FAM163B: variants seen among roughly 807,000 people sequenced by gnomAD.
FAM163B encodes the protein protein FAM163B.
In FAM163B, 4 loss-of-function variants were observed where a neutral mutation model predicts 7.6. That is an observed-to-expected ratio of 0.52 (90% CI 0.26 to 1.20). FAM163B has a LOEUF of 1.20. FAM163B is among the 50% of genes most tolerant of loss of function. The pLI, the probability that FAM163B is intolerant of heterozygous loss-of-function variation, is 0.14. For synonymous variants in FAM163B, 120 were observed against 111.6 expected (o/e 1.07, Z -0.47); for missense variants, 250 against 243.0 (o/e 1.03, Z -0.19).
chr9:133,597,966 A>T (rs148377877), intron 1 of FAM163B, among the ~76,000 whole-genome samples: 2 of 152,330 alleles, frequency 1.3e-5, no homozygotes, highest in East Asian at 3.9e-4. Flanking sequence ...TGTCCAGGGG[A>T]CAGGGCTCAA....
chr9:133,601,247 G>C lies in FAM163B; in HGVS notation c.-24+7830C>G, dbSNP rs905506076. ...AGGGCGCGCCTTTGGAGCCGACTCAGTGATTCTATTATAACTTGTGCAGGT... is the reference window on the plus strand; with the variant it reads ...AGGGCGCGCCTTTGGAGCCGACTCACTGATTCTATTATAACTTGTGCAGGT... On this transcript the variant is annotated intron_variant, in intron 1 of 2. Coordinates refer to ENST00000673969, the MANE Select transcript of FAM163B (RefSeq NM_001080515.3). The surrounding 1 kb of genome is among the most constrained non-coding windows in gnomAD (Gnocchi z 4.1). Among the ~76,000 whole-genome samples the C allele has an allele frequency of 3.9e-5, 6 of 152,204 alleles. No homozygotes were observed. Among genetic ancestry groups the C allele is most frequent in the African/African-American group, 7.2e-5 (3 of 41,442 alleles).
intron 1 of FAM163B, among the ~76,000 whole-genome samples, chr9:133,588,592 A>G (rs75971918): frequency 4.1e-3 from 8 of 1,968 alleles, no homozygotes; most frequent in Admixed American, 8.3e-3. Context: ...GGGATCTAGC[A>G]TGTTGAGGGA....
At chr9:133,607,144 T>G (rs912789447) in intron 1 of FAM163B, among the ~76,000 whole-genome samples, 3 of 152,106 alleles carry the variant, frequency 2.0e-5, no homozygotes, top group African/African-American at 7.2e-5. Context: ...GCTTTCCTAC[T>G]CCATCCGGGG....
rs963891303 is a variant in FAM163B at position 133,600,242 on chromosome 9, ATGTG to A, written c.-24+8831_-24+8834del. On this transcript the variant is annotated intron_variant, in intron 1 of 2. Transcript: ENST00000673969. This position sits in a 1 kb window ranked among gnomAD's most constrained non-coding sequence, Gnocchi z 4.9. ...GTGGGGGGGAATGTGGTCTGTGTGC[ATGTG>A]TGTGAGTGTGGTCTGTGTGTGTGTG... Among the ~76,000 whole-genome samples the A allele has an allele frequency of 3.7e-5, 5 of 133,528 alleles. No homozygotes were observed. The highest frequency in any genetic ancestry group is 2.4e-4 in the East Asian group (1 of 4,176). 87.6% of individuals were successfully genotyped at this position (133,528 alleles called of 152,430 possible).
intron 1 of FAM163B, among the ~76,000 whole-genome samples, chr9:133,589,324 G>A (rs551396656): frequency 1.1e-3 from 175 of 152,312 alleles, no homozygotes; most frequent in Non-Finnish European, 2.2e-3. Context: ...TTCAATTGCC[G>A]GGACAGCCAA....
At chr9:133,604,436 C>CT (rs1268248052) in intron 1 of FAM163B, among the ~76,000 whole-genome samples, 1 of 152,084 alleles carries the variant, frequency 6.6e-6, no homozygotes, top group Non-Finnish European at 1.5e-5. Context: ...CAGCCGAGCA[C>CT]TGGGGGGCAG....
At chr9:133,582,627 T>G (rs1027152823) in intron 1 of FAM163B, among the ~76,000 whole-genome samples, 57 of 152,238 alleles carry the variant, frequency 3.7e-4, no homozygotes, top group African/African-American at 1.3e-3. Context: ...CATGGCCCTC[T>G]TCTTTGTGCC....
intron 1 of FAM163B, among the ~76,000 whole-genome samples, chr9:133,592,509 C>T (rs969170553): frequency 3.9e-5 from 6 of 152,184 alleles, no homozygotes; most frequent in African/African-American, 9.7e-5. Flanking sequence ...AAGGTGCCCA[C>T]GCTGGCTGTG....
intron 1 of FAM163B, among the ~76,000 whole-genome samples, chr9:133,591,924 G>T (rs961714631): frequency 5.9e-5 from 9 of 152,148 alleles, no homozygotes; most frequent in African/African-American, 1.9e-4. Context: ...TGGCACCCCC[G>T]CTGTCCTCTC....
intron 1 of FAM163B, among the ~76,000 whole-genome samples, chr9:133,583,592 T>C (rs1379330649): frequency 1.3e-5 from 2 of 152,100 alleles, no homozygotes; most frequent in Non-Finnish European, 1.5e-5. Context: ...GAGTCCTTCA[T>C]CGGGTCCCTG....
chr9:133,596,377 A>T (rs1416609519), intron 1 of FAM163B, among the ~76,000 whole-genome samples: 2 of 143,092 alleles, frequency 1.4e-5, no homozygotes, highest in East Asian at 2.3e-4. Flanking sequence ...AATGGAGATG[A>T]CAGTAGAAGT....
chr9:133,602,655 G>C (rs1831744794), intron 1 of FAM163B, among the ~76,000 whole-genome samples: 1 of 152,122 alleles, frequency 6.6e-6, no homozygotes, highest in Non-Finnish European at 1.5e-5. Flanking sequence ...CTCTCATGTG[G>C]GAAGTTCCAT....
intron 1 of FAM163B, among the ~76,000 whole-genome samples, chr9:133,597,294 A>G (rs561078288): frequency 1.3e-5 from 2 of 152,248 alleles, no homozygotes; most frequent in Non-Finnish European, 2.9e-5. Context: ...AGATAGGAAA[A>G]AGAACCAACC....
At chr9:133,587,887 G>A (rs1831464272) in intron 1 of FAM163B, among the ~76,000 whole-genome samples, 1 of 151,880 alleles carries the variant, frequency 6.6e-6, no homozygotes, top group Non-Finnish European at 1.5e-5. Context: ...CTCTTTCCTG[G>A]GATCTCCCTG....
intron 1 of FAM163B, among the ~76,000 whole-genome samples, chr9:133,607,213 A>G (rs1831800947): frequency 6.6e-6 from 1 of 152,144 alleles, no homozygotes; most frequent in Admixed American, 6.5e-5. Flanking sequence ...CCACCCCACA[A>G]TTTTGTACAT....
chr9:133,579,619 A>G (rs7852638), intron 2 of FAM163B, among the ~76,000 whole-genome samples, 190 bp from the exon 3 acceptor site: 40,828 of 152,222 alleles, frequency 0.27, 5,795 homozygotes, highest in East Asian at 0.49. Flanking sequence ...AGTGCTGAGC[A>G]CTTCACAACG....
At chr9:133,599,761 C>T (rs1257704818) in intron 1 of FAM163B, among the ~76,000 whole-genome samples, 3 of 140,948 alleles carry the variant, frequency 2.1e-5, no homozygotes, top group African/African-American at 7.9e-5. Context: ...TATGCATGTA[C>T]AAGTGTGTTT....
At chr9:133,604,448 C>A (rs1831766091) in intron 1 of FAM163B, among the ~76,000 whole-genome samples, 1 of 151,832 alleles carries the variant, frequency 6.6e-6, no homozygotes, top group Admixed American at 6.6e-5. Flanking sequence ...GGGGGGCAGG[C>A]CACACCCAGG....
At chr9:133,592,775 C>A (rs986118785) in intron 1 of FAM163B, among the ~76,000 whole-genome samples, 2 of 152,050 alleles carry the variant, frequency 1.3e-5, no homozygotes, top group Non-Finnish European at 2.9e-5. Flanking sequence ...CCCAGGCCGG[C>A]GGGGGGGTCA....
Sources: gnomAD v4.1 joint callset for allele counts (sites outside exome capture counted in the v4.1 genomes callset) on GRCh38, gnomAD v4.1.1 for gene constraint, Gnocchi (gnomAD v3.1) non-coding constraint, MANE v1.5 for transcripts, NCBI Gene and HGNC (gene_info 2026-07-23, HGNC 2026-07-21) for gene names.